Variants in SLAMF1 observed in about 807,000 individuals in gnomAD.
SLAMF1 encodes signaling lymphocytic activation molecule.
In SLAMF1, 18 loss-of-function variants were observed where a neutral mutation model predicts 35.1. That is an observed-to-expected ratio of 0.51 (90% CI 0.35 to 0.76). The LOEUF is 0.76. SLAMF1 is among the 30% of genes least tolerant of loss of function. The pLI, the probability that SLAMF1 is intolerant of heterozygous loss-of-function variation, is 0.01. For missense variants in SLAMF1, 392 were observed against 413.0 expected (o/e 0.95, Z 0.44); for synonymous variants, 168 against 157.2 (o/e 1.07, Z -0.51).
At chr1:160,630,657 G>A (rs1199393291) in intron 3 of SLAMF1, among the ~76,000 whole-genome samples, 1 of 152,008 alleles carries the variant, frequency 6.6e-6, no homozygotes, top group Non-Finnish European at 1.5e-5. Flanking sequence ...TCATTTTGAT[G>A]GATGACTGCA....
chr1:160,635,374 C>G (rs891123529), intron 2 of SLAMF1, among the ~76,000 whole-genome samples: 1 of 151,992 alleles, frequency 6.6e-6, no homozygotes. Context: ...TACACGGGCG[C>G]ATGGGTGAGT....
At chr1:160,637,679 C>T (rs1660530513) in intron 1 of SLAMF1, 150 bp from the exon 2 acceptor site, 1 of 609,736 alleles carries the variant, frequency 1.6e-6, no homozygotes, top group Non-Finnish European at 2.9e-6. Context: ...ATAAGAACTG[C>T]CTTGAGGATC....
rs749674782 is a variant in SLAMF1, at chr1:160,637,324, A to G, written c.282T>C (p.Asp94=). Residue 94 remains aspartate (D), a synonymous_variant, in exon 2 of 7, where the codon GAT becomes GAC. Transcript: ENST00000302035. ...GATTCTCCAGATAAAACTTGTAGCG[A>G]TCTCCTAGATAACGTGGAGGGCCTG... The part of the protein sequence containing the change: ...SEAGPPRYLG[D]RYKFYLENLT... 8.7e-6 allele frequency: 14 copies of G among 1,613,898 alleles called. No individual in the cohort carries two copies. The highest frequency in any genetic ancestry group is 1.3e-5 in the African/African-American group (1 of 74,894).
In SLAMF1 at chr1:160,643,815, T is replaced by C. The variant is rs1414088008; in HGVS notation, c.76+3055A>G. 4.6e-5 allele frequency among the ~76,000 whole-genome samples: 7 copies of C among 152,228 alleles called. No homozygotes were observed. The South Asian group carries it at 1.4e-3, about 32-fold the overall frequency. ...TTTTGATATGTACAATAGATTATTG[T>C]TAACTATAGTCACCGTACTGATCTA... On this transcript the variant is annotated intron_variant, in intron 1 of 6. Coordinates refer to ENST00000302035, the MANE Select transcript of SLAMF1 (RefSeq NM_003037.5).
chr1:160,634,496 A>G (rs1660321804), intron 3 of SLAMF1, 117 bp downstream of exon 3: 3 of 1,421,312 alleles, frequency 2.1e-6, no homozygotes, highest in Admixed American at 5.1e-5. Flanking sequence ...CAAACTATAA[A>G]GAAAATGTAA....
chr1:160,636,026 C>T (rs1660439216), intron 2 of SLAMF1, among the ~76,000 whole-genome samples: 1 of 152,194 alleles, frequency 6.6e-6, no homozygotes, highest in Non-Finnish European at 1.5e-5. Context: ...TGTCTGACTT[C>T]AAAATCCAAA....
chr1:160,630,984 C>A (rs2102324021), intron 3 of SLAMF1, among the ~76,000 whole-genome samples: 1 of 152,116 alleles, frequency 6.6e-6, no homozygotes, highest in Admixed American at 6.5e-5. Flanking sequence ...CTGTTTGTTG[C>A]CTTGCATATA....
intron 6 of SLAMF1, among the ~76,000 whole-genome samples, chr1:160,611,948 G>A (rs1416321683): frequency 5.3e-5 from 8 of 152,020 alleles, no homozygotes; most frequent in Admixed American, 2.0e-4. Context: ...TTTTAAATAC[G>A]TAGGTCTATG....
intron 3 of SLAMF1, among the ~76,000 whole-genome samples, chr1:160,633,121 A>C (rs1376890861): frequency 6.6e-6 from 1 of 152,212 alleles, no homozygotes; most frequent in African/African-American, 2.4e-5. Context: ...CATTGGCTCT[A>C]GGACTTCCGG....
intron 3 of SLAMF1, among the ~76,000 whole-genome samples, chr1:160,626,896 G>A (rs573315877): frequency 6.6e-6 from 1 of 152,208 alleles, no homozygotes; most frequent in East Asian, 1.9e-4. Context: ...CACCATGCCT[G>A]CCTAGCCTTG....
chr1:160,628,156 A>G (rs768366910), intron 3 of SLAMF1, among the ~76,000 whole-genome samples: 1 of 152,202 alleles, frequency 6.6e-6, no homozygotes, highest in Non-Finnish European at 1.5e-5. Context: ...GCAGGATGAG[A>G]GCGGACTAAT....
intron 5 of SLAMF1, among the ~76,000 whole-genome samples, chr1:160,618,995 G>C (rs1243635197): frequency 2.0e-5 from 3 of 152,194 alleles, no homozygotes; most frequent in African/African-American, 7.2e-5. Flanking sequence ...CTGGTTCTCA[G>C]AAGTGCATTT....
chr1:160,640,178 T>C (rs1250291216), intron 1 of SLAMF1, among the ~76,000 whole-genome samples: 2 of 151,842 alleles, frequency 1.3e-5, no homozygotes, highest in Non-Finnish European at 2.9e-5. Flanking sequence ...AAGAACTTCA[T>C]TTTGTTCACT....
intron 3 of SLAMF1, among the ~76,000 whole-genome samples, chr1:160,627,654 AT>A (rs1659949305): frequency 6.6e-6 from 1 of 152,216 alleles, no homozygotes; most frequent in Non-Finnish European, 1.5e-5. Flanking sequence ...TTGGATAAGT[AT>A]GAAAAAAGTG....
At chr1:160,619,948 C>T in intron 4 of SLAMF1, 99 bp from the exon 5 acceptor site, 1 of 795,606 alleles carries the variant, frequency 1.3e-6, no homozygotes, top group East Asian at 2.4e-5. Flanking sequence ...CCCACTTTCC[C>T]CAAGGGCACA....
In SLAMF1 at chr1:160,646,948, G is replaced by T. The variant is rs776111647; in HGVS notation, c.-3C>A. 2.3e-5 allele frequency: 36 copies of T among 1,573,818 alleles called. 1 individual carries two copies. In the South Asian group the frequency reaches 3.2e-4, roughly 14 times the overall value. Reference sequence around the variant, plus strand: ...GAGAGGAGCCCCTTGGGATCCATCAGCCAATGAGGAGAAGGAAGGGATCCT... The same window carrying T: ...GAGAGGAGCCCCTTGGGATCCATCATCCAATGAGGAGAAGGAAGGGATCCT... On this transcript the variant is annotated 5_prime_UTR_variant, in exon 1 of 7. It adds an upstream start codon to the 5' untranslated region. Transcript: ENST00000302035.
At chr1:160,623,873 C>A (rs989653205) in intron 4 of SLAMF1, among the ~76,000 whole-genome samples, 7 of 152,138 alleles carry the variant, frequency 4.6e-5, no homozygotes, top group African/African-American at 7.2e-5. Context: ...ACATTAGAAA[C>A]CTGTGGCTCT....
intron 1 of SLAMF1, among the ~76,000 whole-genome samples, chr1:160,643,213 C>T (rs1660848745): frequency 6.6e-6 from 1 of 152,150 alleles, no homozygotes; most frequent in Non-Finnish European, 1.5e-5. Flanking sequence ...CTTATTCCAA[C>T]ACTTTGGTAG....
chr1:160,646,619 G>A (rs1661050681), intron 1 of SLAMF1, among the ~76,000 whole-genome samples: 1 of 152,188 alleles, frequency 6.6e-6, no homozygotes, highest in Non-Finnish European at 1.5e-5. Flanking sequence ...AAAGTGACTG[G>A]AGCCTTTGGC....
Sources: gnomAD v4.1 joint callset for allele counts (sites outside exome capture counted in the v4.1 genomes callset) on GRCh38, gnomAD v4.1.1 for gene constraint, MANE v1.5 for transcripts, NCBI Gene and HGNC (gene_info 2026-07-23, HGNC 2026-07-21) for gene names.